Variants in MAP3K2 observed in about 807,000 individuals in gnomAD.
MAP3K2 encodes the protein mitogen-activated protein kinase kinase kinase 2.
Under a neutral mutation model 80.3 loss-of-function variants are expected in MAP3K2, and 24 were observed. The ratio of observed to expected loss-of-function variants is 0.30; its 90% CI spans 0.22 to 0.42. The LOEUF (loss-of-function observed/expected upper bound fraction) is 0.42, where lower values mean the gene tolerates loss of function less well. Among genes scored for constraint, MAP3K2 ranks in the 10% least tolerant of loss-of-function variants. MAP3K2 has a pLI of 1.00. For synonymous variants in MAP3K2, 244 were observed against 253.7 expected (o/e 0.96, Z 0.36); for missense variants, 608 against 750.1 (o/e 0.81, Z 2.21).
rs771367904 is a variant in MAP3K2, at chr2:127,335,896, T to A, written c.238A>T (p.Met80Leu). Reference sequence around the variant, plus strand: ...TCGTTATTGGTATAATGTAGATCCATAGACTGTCCAAAGGCAATTTTAGCT... The same window carrying A: ...TCGTTATTGGTATAATGTAGATCCAAAGACTGTCCAAAGGCAATTTTAGCT... ...SKAKIAFGQS[M>L]DLHYTNNELV... The change falls in exon 5 of 17, where the codon ATG becomes TTG. Residue 80 changes from methionine (M) to leucine (L), a missense_variant. This residue lies in a region of MAP3K2 where 467 missense variants were observed against 521.9 expected (regional missense o/e 0.89). Coordinates refer to ENST00000682094, the MANE Select transcript of MAP3K2 (RefSeq NM_001371910.2). The A allele has an allele frequency of 1.9e-6, 3 of 1,569,360 alleles. No homozygotes were observed. The highest frequency in any genetic ancestry group is 3.7e-5 in the Admixed American group (2 of 54,240).
chr2:127,322,625 C>T lies in MAP3K2; in HGVS notation c.839-373G>A, dbSNP rs898444080. On this transcript the variant is annotated intron_variant, in intron 11 of 16. Coordinates refer to ENST00000682094, the MANE Select transcript of MAP3K2 (RefSeq NM_001371910.2). This position sits in a 1 kb window ranked among gnomAD's most constrained non-coding sequence, Gnocchi z 4.2. ...CTTTTCTTTTTGAGATGGAGTTTCACTCTTGTTGCCCAGGCTGGAGTGCAG... is the reference window on the plus strand; with the variant it reads ...CTTTTCTTTTTGAGATGGAGTTTCATTCTTGTTGCCCAGGCTGGAGTGCAG... Among the ~76,000 whole-genome samples, 3 of 152,210 alleles carry T rather than the reference C, an allele frequency of 2.0e-5. No individual in the cohort carries two copies. The highest frequency in any genetic ancestry group is 2.9e-5 in the Non-Finnish European group (2 of 68,020).
chr2:127,365,353 C>G lies in MAP3K2; in HGVS notation c.-66+22099G>C, dbSNP rs181761532. Among the ~76,000 whole-genome samples, 9 of 152,204 alleles carry G rather than the reference C, an allele frequency of 5.9e-5. No individual in the cohort carries two copies. In the East Asian group the frequency reaches 1.5e-3, roughly 26 times the overall value. On this transcript the variant is annotated intron_variant, in intron 1 of 16. Transcript: ENST00000682094. ...AAAACATCACTATGGACTCCCACAA[C>G]TTTAACATCCCCCACTGTGTTTCTT... is the stretch of plus-strand genomic sequence containing the variant.
Position 127,306,850 on chromosome 2 carries a change from G to A in MAP3K2, c.*729C>T, listed in dbSNP as rs1011984380. The stretch of plus-strand genomic sequence containing the variant: ...TGACTTTAAAATAAAGGTTTTCCGT[G>A]TGTGTGTGTGTGTGTGTGTGTGTGT... On this transcript the variant is annotated 3_prime_UTR_variant, in exon 17 of 17. Coordinates refer to ENST00000682094, the MANE Select transcript of MAP3K2 (RefSeq NM_001371910.2). This position sits in a 1 kb window ranked among gnomAD's most constrained non-coding sequence, Gnocchi z 4.7. The A allele has an allele frequency of 7.3e-5, 1 of 13,670 alleles. No individual in the cohort carries two copies. Among genetic ancestry groups the A allele is most frequent in the African/African-American group, 2.2e-4 (1 of 4,536 alleles). The allele number at this position is 13,670 out of a possible 1,614,324, so 0.8% of individuals were successfully genotyped here.
At chr2:127,357,203 A>C (rs1003161665) in intron 1 of MAP3K2, among the ~76,000 whole-genome samples, 1 of 152,234 alleles carries the variant, frequency 6.6e-6, no homozygotes, top group African/African-American at 2.4e-5. Context: ...AGAAGACTCA[A>C]TGTTGTTACA....
intron 5 of MAP3K2, among the ~76,000 whole-genome samples, chr2:127,335,079 T>C (rs1467796478): frequency 6.6e-6 from 1 of 152,204 alleles, no homozygotes; most frequent in Non-Finnish European, 1.5e-5. Context: ...ACTTTATGCA[T>C]TTCTTTCAAA....
chr2:127,315,909 T>G (rs1219622908), intron 14 of MAP3K2, among the ~76,000 whole-genome samples: 1 of 150,982 alleles, frequency 6.6e-6, no homozygotes, highest in East Asian at 2.0e-4. Context: ...ACCCCGTCTC[T>G]ACTAAAAATA....
intron 14 of MAP3K2, 56 bp from the exon 15 acceptor site, chr2:127,314,939 T>A: frequency 1.6e-6 from 2 of 1,286,886 alleles, no homozygotes; most frequent in Non-Finnish European, 2.2e-6. Context: ...AAATGAAAAC[T>A]GCTATTAAAT....
At chr2:127,361,485 A>G (rs982117000) in intron 1 of MAP3K2, among the ~76,000 whole-genome samples, 1 of 152,210 alleles carries the variant, frequency 6.6e-6, no homozygotes, top group Admixed American at 6.5e-5. Flanking sequence ...GTCATACCAC[A>G]TATGTAATCT....
In MAP3K2 at chr2:127,335,925, G is replaced by A. The variant is rs759935060; in HGVS notation, c.209C>T (p.Ser70Phe). The change falls in exon 5 of 17, where the codon TCT becomes TTT. Residue 70 changes from serine to phenylalanine, a missense_variant. By Grantham distance (155) the Ser-to-Phe change is radical. Coordinates refer to ENST00000682094, the MANE Select transcript of MAP3K2 (RefSeq NM_001371910.2). ...PRPVKLEDLR[S>F]KAKIAFGQSM... ...CTGTCCAAAGGCAATTTTAGCTTTA[G>A]ATCTCAGATCTTCCAGTTTAACTGG... is the stretch of plus-strand genomic sequence containing the variant. 1 of 1,574,648 alleles carries A rather than the reference G, an allele frequency of 6.4e-7. No homozygotes were observed. Among genetic ancestry groups the A allele is most frequent in the South Asian group, 1.2e-5 (1 of 86,046 alleles).
chr2:127,346,373 C>CACTTCAAACAT lies in MAP3K2; in HGVS notation c.-65-3190_-65-3180dup, dbSNP rs747890149. Among the ~76,000 whole-genome samples, 43 of 123,364 alleles carry CACTTCAAACAT rather than the reference C, an allele frequency of 3.5e-4. 1 individual carries two copies. Among genetic ancestry groups the CACTTCAAACAT allele is most frequent in the South Asian group, 2.7e-3 (10 of 3,762 alleles). The allele number at this position is 123,364 out of a possible 152,430, so 80.9% of individuals were successfully genotyped here. A position where few individuals can be genotyped will look rare whatever the true frequency, so the allele number is the denominator to read the frequency against. On this transcript the variant is annotated intron_variant, in intron 1 of 16. Coordinates refer to ENST00000682094, the MANE Select transcript of MAP3K2 (RefSeq NM_001371910.2). ...CACAAATAAAAGCCCTGGACCAGAT[C>CACTTCAAACAT]ACTTCAAACATTTACAGAATTTACA...
intron 1 of MAP3K2, among the ~76,000 whole-genome samples, chr2:127,347,571 CTG>C (rs1449748600): frequency 6.6e-6 from 1 of 152,020 alleles, no homozygotes; most frequent in African/African-American, 2.4e-5. Flanking sequence ...CTACAAAACA[CTG>C]TTGAAAGAAA....
Position 127,310,705 on chromosome 2 carries a change from T to A in MAP3K2, c.1457-1943A>T, listed in dbSNP as rs1303806048. ...GGCACTAGGCTCACTTGTTTTTTAT[T>A]CTCTATTTTCACTCTTATCATTTTA... On this transcript the variant is annotated intron_variant, in intron 15 of 16. Coordinates refer to ENST00000682094, the MANE Select transcript of MAP3K2 (RefSeq NM_001371910.2). This position sits in a 1 kb window ranked among gnomAD's most constrained non-coding sequence, Gnocchi z 4.8. Among the ~76,000 whole-genome samples, 2 of 152,068 alleles carry A rather than the reference T, an allele frequency of 1.3e-5. No individual in the cohort carries two copies. The highest frequency in any genetic ancestry group is 4.8e-5 in the African/African-American group (2 of 41,402).
At chr2:127,324,042 A>T in intron 10 of MAP3K2, 48 bp from the exon 11 acceptor site, 4 of 1,133,166 alleles carry the variant, frequency 3.5e-6, no homozygotes, top group Non-Finnish European at 3.7e-6. Flanking sequence ...AAAAAAAGTT[A>T]AATATTTCTA....
rs759305171 is a variant in MAP3K2 at position 127,339,787 on chromosome 2, A to T, written c.5-737T>A. On this transcript the variant is annotated intron_variant, in intron 2 of 16. Coordinates refer to ENST00000682094, the MANE Select transcript of MAP3K2 (RefSeq NM_001371910.2). The surrounding 1 kb of genome is among the most constrained non-coding windows in gnomAD (Gnocchi z 4.2). ...GTGCCTGCCAGTAATGCCAATTATA[A>T]GCTCTCCAGAAGACATCAGGGACAA... 1.3e-5 allele frequency among the ~76,000 whole-genome samples: 2 copies of T among 152,236 alleles called. 1 individual carries two copies. Among genetic ancestry groups the T allele is most frequent in the Non-Finnish European group, 2.9e-5 (2 of 68,044 alleles).
chr2:127,385,848 A>T (rs13425274), intron 1 of MAP3K2, among the ~76,000 whole-genome samples: 17,561 of 152,196 alleles, frequency 0.12, 1,208 homozygotes, highest in African/African-American at 0.2. Flanking sequence ...CTAGAAACAA[A>T]AGCTCCCCCT....
At chr2:127,352,189 T>G (rs1686702698) in intron 1 of MAP3K2, among the ~76,000 whole-genome samples, 1 of 152,136 alleles carries the variant, frequency 6.6e-6, no homozygotes, top group African/African-American at 2.4e-5. Context: ...CTTCCCTACT[T>G]TTGGTGTTAT....
chr2:127,388,312 G>A (rs2104915666), upstream of MAP3K2: 3 of 985,530 alleles, frequency 3.0e-6, no homozygotes, highest in Admixed American at 6.1e-5. Flanking sequence ...CCGTGAAAAG[G>A]TCTCCCACGT....
chr2:127,385,390 T>G (rs1687326044), intron 1 of MAP3K2, among the ~76,000 whole-genome samples: 1 of 152,222 alleles, frequency 6.6e-6, no homozygotes, highest in Non-Finnish European at 1.5e-5. Context: ...AATAAATAAT[T>G]TTTTAATTAA....
chr2:127,382,900 T>G (rs1470589289), intron 1 of MAP3K2, among the ~76,000 whole-genome samples: 2 of 152,228 alleles, frequency 1.3e-5, no homozygotes, highest in Non-Finnish European at 2.9e-5. Context: ...ATTCTTGCAT[T>G]GCTCTTAAGA....
Sources: allele counts gnomAD v4.1 joint callset (sites outside exome capture counted in the v4.1 genomes callset), GRCh38; gene constraint gnomAD v4.1.1; regional missense constraint gnomAD v4.1.1; non-coding constraint Gnocchi (gnomAD v3.1); transcripts MANE v1.5; gene names NCBI Gene and HGNC (gene_info 2026-07-23, HGNC 2026-07-21).